FMN2: variants seen among roughly 807,000 people sequenced by gnomAD.
FMN2 encodes formin 2.
A neutral mutation model predicts 142.3 loss-of-function variants in FMN2; 51 were observed. The observed-to-expected ratio is 0.36, with a 90% CI of 0.29 to 0.45. FMN2 has a LOEUF of 0.45. FMN2 is among the 20% of genes least tolerant of loss of function. The pLI, the probability that FMN2 is intolerant of heterozygous loss-of-function variation, is 1.00. For synonymous variants in FMN2, 882 were observed against 869.8 expected, an observed-to-expected ratio of 1.01 and a Z score of -0.25; for missense variants, 1,936 against 2,122.8, an observed-to-expected ratio of 0.91 and a Z score of 1.73.
intron 4 of FMN2, among the ~76,000 whole-genome samples, chr1:240,191,687 A>G (rs1032997708): frequency 6.6e-6 from 1 of 152,230 alleles, no homozygotes; most frequent in Non-Finnish European, 1.5e-5. Flanking sequence ...ATTTGCTTCT[A>G]AGTTAAAGAT....
intron 14 of FMN2, among the ~76,000 whole-genome samples, chr1:240,363,780 C>T (rs12723298): frequency 0.22 from 33,501 of 152,026 alleles, 3,919 homozygotes; most frequent in Admixed American, 0.32. Flanking sequence ...CCAGAAGCCA[C>T]TGCCCTTGTA....
At chr1:240,249,414 G>A (rs941985450) in intron 6 of FMN2, among the ~76,000 whole-genome samples, 1 of 152,010 alleles carries the variant, frequency 6.6e-6, no homozygotes, top group South Asian at 2.1e-4. Flanking sequence ...CTGTAAATAT[G>A]TGGATTTATA....
chr1:240,277,832 G>A (rs2102932886), intron 7 of FMN2, among the ~76,000 whole-genome samples: 1 of 152,056 alleles, frequency 6.6e-6, no homozygotes, highest in African/African-American at 2.4e-5. Context: ...ACAGCGCCTG[G>A]CCCGTACCTA....
intron 2 of FMN2, among the ~76,000 whole-genome samples, chr1:240,163,421 C>G: frequency 6.6e-6 from 1 of 152,066 alleles, no homozygotes; most frequent in East Asian, 1.9e-4. Context: ...ATTTATTTTC[C>G]TTATGAATTA....
At chr1:240,377,821 C>T (rs1673095556) in intron 14 of FMN2, among the ~76,000 whole-genome samples, 1 of 151,998 alleles carries the variant, frequency 6.6e-6, no homozygotes, top group African/African-American at 2.4e-5. Flanking sequence ...ATATTATATT[C>T]CCATGTAATA....
intron 7 of FMN2, among the ~76,000 whole-genome samples, chr1:240,274,167 A>G (rs1196419406): frequency 1.3e-5 from 2 of 151,724 alleles, no homozygotes; most frequent in South Asian, 2.1e-4. Flanking sequence ...ACAAAAATCC[A>G]TGTCTGTGTT....
At chr1:240,137,200 C>T (rs1241678231) in intron 2 of FMN2, among the ~76,000 whole-genome samples, 1 of 150,846 alleles carries the variant, frequency 6.6e-6, no homozygotes, top group Non-Finnish European at 1.5e-5. Context: ...TTTTTAGGTC[C>T]TCCCAATTTG....
chr1:240,410,796 T>A (rs1292950553), intron 15 of FMN2, among the ~76,000 whole-genome samples: 1 of 152,202 alleles, frequency 6.6e-6, no homozygotes, highest in Non-Finnish European at 1.5e-5. Context: ...CCCTTTTTAT[T>A]CATTTTTATT....
intron 7 of FMN2, among the ~76,000 whole-genome samples, chr1:240,269,728 G>A (rs1400525364): frequency 1.3e-5 from 2 of 151,504 alleles, no homozygotes; most frequent in African/African-American, 4.8e-5. Flanking sequence ...TTTCATCAAT[G>A]TTTTATTGTT....
intron 11 of FMN2, among the ~76,000 whole-genome samples, chr1:240,332,093 C>T (rs139150314): frequency 2.0e-5 from 3 of 152,234 alleles, no homozygotes; most frequent in Admixed American, 6.5e-5. Flanking sequence ...TTTCATTGAG[C>T]ATCTATGGAA....
chr1:240,330,632 G>T lies in FMN2; in HGVS notation c.4467G>T (p.Gln1489His). ...TAAAAAATGGCCCAGGGGTTATGCA[G>T]GTTCTAGGTTTGGTTCTTGCCTTTG... ...ETLKNGPGVMQVLGLVLAFGN... is the reference protein window; with the variant it reads ...ETLKNGPGVMHVLGLVLAFGN... The change falls in exon 11 of 18, where the codon CAG (glutamine) becomes CAT (histidine). Residue 1489 changes from glutamine to histidine, a missense_variant. Coordinates refer to ENST00000319653, the MANE Select transcript of FMN2 (RefSeq NM_020066.5). 6.2e-7 allele frequency: 1 copy of T among 1,613,954 alleles called. No homozygotes were observed. The highest frequency in any genetic ancestry group is 8.5e-7 in the Non-Finnish European group (1 of 1,179,910).
intron 7 of FMN2, among the ~76,000 whole-genome samples, chr1:240,271,462 A>G (rs1273709531): frequency 1.3e-5 from 2 of 149,380 alleles, no homozygotes; most frequent in Non-Finnish European, 3.0e-5. Context: ...AGGCTTGCTT[A>G]GAAATTGCTT....
At chr1:240,362,328 A>G (rs1272404798) in intron 14 of FMN2, among the ~76,000 whole-genome samples, 3 of 152,188 alleles carry the variant, frequency 2.0e-5, no homozygotes, top group Middle Eastern at 3.2e-3. Context: ...GTTTTTGTGC[A>G]TGTGAGATGA....
At chr1:240,418,971 G>A (rs556667886) in intron 15 of FMN2, among the ~76,000 whole-genome samples, 2 of 152,194 alleles carry the variant, frequency 1.3e-5, no homozygotes, top group Non-Finnish European at 2.9e-5. Flanking sequence ...AGCTGGACAT[G>A]GTGGTGGGCG....
At chr1:240,343,781 A>G (rs1671815719) in intron 13 of FMN2, among the ~76,000 whole-genome samples, 1 of 152,164 alleles carries the variant, frequency 6.6e-6, no homozygotes, top group Non-Finnish European at 1.5e-5. Flanking sequence ...GAGTACAGAG[A>G]AGTAGAAAGC....
intron 11 of FMN2, among the ~76,000 whole-genome samples, chr1:240,332,892 A>G (rs1002837487): frequency 2.0e-5 from 3 of 152,278 alleles, no homozygotes; most frequent in African/African-American, 7.2e-5. Flanking sequence ...ATTGAATTAC[A>G]AGTTGGGAGA....
At chr1:240,360,023 A>G (rs911006074) in intron 14 of FMN2, among the ~76,000 whole-genome samples, 3 of 152,174 alleles carry the variant, frequency 2.0e-5, no homozygotes, top group Non-Finnish European at 2.9e-5. Context: ...TATTTGCACC[A>G]CAATATTGAG....
At chr1:240,192,839 G>A (rs113719923) in intron 4 of FMN2, among the ~76,000 whole-genome samples, 33 of 80,452 alleles carry the variant, frequency 4.1e-4, no homozygotes, top group African/African-American at 2.0e-3. Context: ...AGAAAGAAAG[G>A]ATTTTTTTTT....
At chr1:240,160,224 C>G (rs1033458856) in intron 2 of FMN2, among the ~76,000 whole-genome samples, 7 of 150,586 alleles carry the variant, frequency 4.6e-5, no homozygotes, top group African/African-American at 1.5e-4. Context: ...CAAAATTTCC[C>G]TGATACTAGA....
Sources: allele counts gnomAD v4.1 joint callset (sites outside exome capture counted in the v4.1 genomes callset), GRCh38; gene constraint gnomAD v4.1.1; transcripts MANE v1.5; gene names NCBI Gene and HGNC (gene_info 2026-07-23, HGNC 2026-07-21).